The following QSER1 variants were observed in gnomAD, a reference collection of about 807,000 sequenced individuals.
The protein encoded by QSER1 is glutamine and serine rich 1, also known as glutamine and serine-rich protein 1.
In QSER1, 49 loss-of-function variants were observed where a neutral mutation model predicts 158.5. That is an observed-to-expected ratio of 0.31 (90% CI 0.25 to 0.39). QSER1 has a LOEUF of 0.39. Ranked by LOEUF, QSER1 falls within the 10% of genes least tolerant of loss-of-function variation. The probability of loss-of-function intolerance (pLI) is 1.00; values close to 1 mark genes in which losing one functional copy is unlikely to be tolerated. For missense variants in QSER1, 1,754 were observed against 2,010.3 expected (o/e 0.87, Z 2.44); for synonymous variants, 650 against 715.5 (o/e 0.91, Z 1.46).
At chr11:32,971,342 A>G (rs1345632949) in intron 10 of QSER1, among the ~76,000 whole-genome samples, 3 of 152,152 alleles carry the variant, frequency 2.0e-5, no homozygotes, top group Admixed American at 6.5e-5. Context: ...GTGCTTTCCT[A>G]TGTTGATCTT....
intron 4 of QSER1, among the ~76,000 whole-genome samples, chr11:32,941,132 T>G (rs940821905): frequency 1.3e-5 from 2 of 151,780 alleles, no homozygotes; most frequent in African/African-American, 4.8e-5. Flanking sequence ...GCTTATTATT[T>G]CAGTTTTGAT....
chr11:32,897,882 C>A (rs1051117580), intron 1 of QSER1, among the ~76,000 whole-genome samples: 1 of 152,170 alleles, frequency 6.6e-6, no homozygotes, highest in African/African-American at 2.4e-5. Context: ...GTTGCCCAGG[C>A]CAGATGGTGG....
At chr11:32,958,673 C>T (rs533094170) in intron 8 of QSER1, among the ~76,000 whole-genome samples, 15 of 152,120 alleles carry the variant, frequency 9.9e-5, no homozygotes, top group African/African-American at 3.1e-4. Context: ...TGAGCCACTG[C>T]GCCCCACCTA....
At chr11:32,925,077 G>A (rs551041904) in intron 1 of QSER1, among the ~76,000 whole-genome samples, 16 of 152,162 alleles carry the variant, frequency 1.1e-4, no homozygotes, top group Non-Finnish European at 1.9e-4. Context: ...TTTAATGGTT[G>A]TGTGGTATTC....
intron 1 of QSER1, among the ~76,000 whole-genome samples, chr11:32,924,158 ATGTATT>A (rs1851936080): frequency 6.6e-6 from 1 of 152,212 alleles, no homozygotes; most frequent in Non-Finnish European, 1.5e-5. Context: ...CAATAGGAGA[ATGTATT>A]AGTGACTTTG....
rs540168145 is a variant in QSER1, at chr11:32,932,767, A to G, written c.1509A>G (p.Lys503=). Residue 503 remains lysine (K), a synonymous_variant, in exon 4 of 13, where the codon AAA becomes AAG. Transcript: ENST00000650167. ...SKVEKLPPLY[K]TLTFSGSSQT... Reference sequence around the variant, plus strand: ...TTGAGAAATTGCCACCCTTGTATAAAACATTGACTTTTTCTGGGTCATCTC... The same window carrying G: ...TTGAGAAATTGCCACCCTTGTATAAGACATTGACTTTTTCTGGGTCATCTC... 3.9e-5 allele frequency: 63 copies of G among 1,614,102 alleles called. 1 individual carries two copies. In the South Asian group the frequency reaches 6.8e-4, roughly 17 times the overall value.
chr11:32,920,886 T>A (rs180992163), intron 1 of QSER1, among the ~76,000 whole-genome samples: 2 of 152,356 alleles, frequency 1.3e-5, no homozygotes, highest in East Asian at 1.9e-4. Flanking sequence ...TTATAACTTA[T>A]ACTTTGCTGG....
At chr11:32,941,385 C>A (rs1223771020) in intron 4 of QSER1, among the ~76,000 whole-genome samples, 1 of 94,030 alleles carries the variant, frequency 1.1e-5, no homozygotes, top group Non-Finnish European at 2.2e-5. Context: ...CCTCCCCCCT[C>A]CACCCCCCAC....
chr11:32,963,518 C>G (rs1453345040), intron 8 of QSER1, among the ~76,000 whole-genome samples: 1 of 151,974 alleles, frequency 6.6e-6, no homozygotes. Context: ...TGCCTGGCTA[C>G]TTTTTTGTAT....
Position 32,933,234 on chromosome 11 carries a change from G to C in QSER1, c.1976G>C (p.Cys659Ser). 1 of 1,613,780 alleles carries C rather than the reference G, an allele frequency of 6.2e-7. No individual in the cohort carries two copies. Among genetic ancestry groups the C allele is most frequent in the East Asian group, 2.2e-5 (1 of 44,882 alleles). The change falls in exon 4 of 13, where the codon TGT becomes TCT. Residue 659 changes from cysteine (C) to serine (S), a missense_variant. Around this residue, in one of 2 missense-constraint regions of QSER1, gnomAD observed 1,707 missense variants for 1,919.6 expected, o/e 0.89. Transcript: ENST00000650167. Reference protein sequence around the residue: ...QSSSFASSTHCQTLQNNITSP... With the variant: ...QSSSFASSTHSQTLQNNITSP... ...TCATCTTTTGCATCCTCTACTCATT[G>C]TCAGACATTACAAAATAACATAACT... is the stretch of plus-strand genomic sequence containing the variant.
At chr11:32,941,510 CTGAGAA>C (rs1852236770) in intron 4 of QSER1, among the ~76,000 whole-genome samples, 1 of 151,550 alleles carries the variant, frequency 6.6e-6, no homozygotes, top group Admixed American at 6.6e-5. Context: ...CGATAGTTTA[CTGAGAA>C]TGATGATTTC....
At chr11:32,975,447 G>C in intron 12 of QSER1, 104 bp downstream of exon 12, 1 of 1,539,306 alleles carries the variant, frequency 6.5e-7, no homozygotes, top group Non-Finnish European at 8.8e-7. Flanking sequence ...AAATACATGT[G>C]TGTATGTATT....
At chr11:32,902,093 CA>C (rs938137693) in intron 1 of QSER1, among the ~76,000 whole-genome samples, 4 of 152,070 alleles carry the variant, frequency 2.6e-5, no homozygotes, top group Non-Finnish European at 4.4e-5. Flanking sequence ...AAAAACACAA[CA>C]AAAAAATCCA....
chr11:32,900,390 C>T lies in QSER1; in HGVS notation c.209+7056C>T, dbSNP rs551214988. On this transcript the variant is annotated intron_variant, in intron 1 of 12. Coordinates refer to ENST00000650167, the MANE Select transcript of QSER1 (RefSeq NM_001076786.3). Reference sequence around the variant, plus strand: ...CCTGGCCAACATGGCAAAACCCTGTCTCTACTAAAAATACAAAAATCAGCT... The same window carrying T: ...CCTGGCCAACATGGCAAAACCCTGTTTCTACTAAAAATACAAAAATCAGCT... Among the ~76,000 whole-genome samples, 6 of 152,212 alleles carry T rather than the reference C, an allele frequency of 3.9e-5. No homozygotes were observed. In the South Asian group the frequency reaches 1.2e-3, roughly 32 times the overall value.
intron 1 of QSER1, among the ~76,000 whole-genome samples, chr11:32,896,255 C>T (rs1407095537): frequency 1.3e-5 from 2 of 152,168 alleles, no homozygotes; most frequent in East Asian, 3.8e-4. Context: ...CAGGAAGAGG[C>T]AGGCTGTTTT....
At chr11:32,972,341 G>A (rs11032074) in intron 10 of QSER1, among the ~76,000 whole-genome samples, 115,910 of 151,754 alleles carry the variant, frequency 0.76, 45,384 homozygotes, top group East Asian at 0.99. Flanking sequence ...TTCAGTTATT[G>A]TTTGTAGCTT....
chr11:32,945,564 C>G (rs1852316741), intron 4 of QSER1, among the ~76,000 whole-genome samples: 1 of 151,938 alleles, frequency 6.6e-6, no homozygotes, highest in Non-Finnish European at 1.5e-5. Context: ...GAATATTGGC[C>G]CCCACTCTCT....
chr11:32,970,946 CTTTTTT>C (rs776051259), intron 10 of QSER1, among the ~76,000 whole-genome samples: 20 of 76,896 alleles, frequency 2.6e-4, no homozygotes, highest in East Asian at 1.7e-3. Flanking sequence ...AAGCAATTTG[CTTTTTT>C]TTTTTTTTTT....
chr11:32,911,512 C>A (rs1179683655), intron 1 of QSER1, among the ~76,000 whole-genome samples: 2 of 152,120 alleles, frequency 1.3e-5, no homozygotes, highest in Non-Finnish European at 2.9e-5. Context: ...CTCTGTGTCC[C>A]CACCCATATC....
Sources: gnomAD v4.1 joint callset for allele counts (sites outside exome capture counted in the v4.1 genomes callset) on GRCh38, gnomAD v4.1.1 for gene constraint, gnomAD v4.1.1 regional missense constraint, MANE v1.5 for transcripts, NCBI Gene and HGNC (gene_info 2026-07-23, HGNC 2026-07-21) for gene names.